Variants in GRIN3B observed in about 807,000 individuals in gnomAD.
GRIN3B encodes glutamate receptor ionotropic, NMDA 3B.
Under a neutral mutation model 66.0 loss-of-function variants are expected in GRIN3B, and 77 were observed. That is an observed-to-expected ratio of 1.17 (90% CI 0.97 to 1.41). GRIN3B has a LOEUF of 1.41. GRIN3B is among the 40% of genes most tolerant of loss of function. The pLI, the probability that GRIN3B is intolerant of heterozygous loss-of-function variation, is 0.00. For synonymous variants in GRIN3B, 823 were observed against 749.7 expected (o/e 1.10, Z -1.60); for missense variants, 1,787 against 1,564.5 (o/e 1.14, Z -2.40).
At chr19:1,002,363 C>CAAAAAAAAAAAAAA (rs71335327) in intron 1 of GRIN3B, among the ~76,000 whole-genome samples, 1 of 74,692 alleles carries the variant, frequency 1.3e-5, no homozygotes, top group Non-Finnish European at 2.4e-5. Context: ...ACTAAAAATA[C>CAAAAAAAAAAAAAA]AAAAAAAAAA....
chr19:1,008,788 G>A lies in GRIN3B; in HGVS notation c.2631+6G>A, dbSNP rs745895363. On this transcript the variant is annotated splice_donor_region_variant and intron_variant, in intron 7 of 8. Transcript: ENST00000234389. The stretch of plus-strand genomic sequence containing the variant: ...ACTGGCTGCACACCAGCCAGGTGGG[G>A]AGCGGGTGGGCGGCGGGCGGCCCCA... 6.3e-7 allele frequency: 1 copy of A among 1,595,686 alleles called. No individual in the cohort carries two copies. Among genetic ancestry groups the A allele is most frequent in the Admixed American group, 1.7e-5 (1 of 57,936 alleles).
chr19:1,008,978 C>T, intron 8 of GRIN3B, 51 bp downstream of exon 8: 1 of 1,552,470 alleles, frequency 6.4e-7, no homozygotes, highest in Non-Finnish European at 8.7e-7. Context: ...AGACCCACCA[C>T]CCCACCAGCT....
chr19:1,009,084 C>T, intron 8 of GRIN3B, 89 bp from the exon 9 acceptor site: 1 of 1,444,636 alleles, frequency 6.9e-7, no homozygotes. Flanking sequence ...TGCCTGTCGG[C>T]CATCCTCTGC....
At position 1,005,652 on chromosome 19, in the gene GRIN3B, G is replaced by C; in HGVS notation, c.2052+99G>C. 1 of 898,972 alleles carries C rather than the reference G, an allele frequency of 1.1e-6. No individual in the cohort carries two copies. The highest frequency in any genetic ancestry group is 1.8e-5 in the South Asian group (1 of 56,728). The allele number at this position is 898,972 out of a possible 1,614,324, so 55.7% of individuals were successfully genotyped here. On this transcript the variant is annotated intron_variant, in intron 3 of 8. Transcript: ENST00000234389. This position sits in a 1 kb window ranked among gnomAD's most constrained non-coding sequence, Gnocchi z 5.2. ...GGGTGGTCAGCTGGACGTGGAGGAC[G>C]TCCACTAGGCCAACTCTGGTCCCAA...
At chr19:1,003,793 A>C in intron 2 of GRIN3B, 71 bp downstream of exon 2, 6 of 1,201,650 alleles carry the variant, frequency 5.0e-6, no homozygotes, top group Non-Finnish European at 6.5e-6. Flanking sequence ...TGGATCACAA[A>C]AGGCAACGTG....
In GRIN3B at chr19:1,000,638, G is replaced by T. The variant is rs1392285783; in HGVS notation, c.201G>T (p.Pro67=). The part of the protein sequence containing the change: ...LARAALAPRL[P]HNLSLELVVA... The stretch of plus-strand genomic sequence containing the variant: ...GGGCCGCCCTGGCGCCGCGGCTGCC[G>T]CACAACCTGAGCTTGGAGCTGGTGG... Residue 67 remains proline, a synonymous_variant, in exon 1 of 9, where the codon CCG becomes CCT. Transcript: ENST00000234389. 3.2e-6 allele frequency: 4 copies of T among 1,244,206 alleles called. No individual in the cohort carries two copies. The African/African-American group carries it at 6.4e-5, about 20-fold the overall frequency. The allele number at this position is 1,244,206 out of a possible 1,614,324, so 77.1% of individuals were successfully genotyped here. A position where few individuals can be genotyped will look rare whatever the true frequency, so the allele number is the denominator to read the frequency against.
rs1389165057 is a variant in GRIN3B at position 1,009,425 on chromosome 19, G to A, written c.2955G>A (p.Glu985=). The A allele has an allele frequency of 2.1e-6, 3 of 1,452,424 alleles. No homozygotes were observed. Among genetic ancestry groups the A allele is most frequent in the Non-Finnish European group, 1.8e-6 (2 of 1,108,926 alleles). 90.0% of individuals were successfully genotyped at this position (1,452,424 alleles called of 1,614,324 possible). Residue 985 remains glutamate, a synonymous_variant, in exon 9 of 9, where the codon GAG becomes GAA. Coordinates refer to ENST00000234389, the MANE Select transcript of GRIN3B (RefSeq NM_138690.3). ...CCCCCCAGCCCGGGGAGCTGCAGGA[G>A]CTGGAGCGCCGCATCGAAGTCGCGC... ...TGAPQPGELQ[E]LERRIEVARE... is the part of the protein sequence containing the mutation.
At position 1,009,435 on chromosome 19, in the gene GRIN3B, C is replaced by T. The variant is rs2038818576; in HGVS notation, c.2965C>T (p.Arg989Cys). The change falls in exon 9 of 9, where the codon CGC becomes TGC. Residue 989 changes from arginine (R) to cysteine (C), a missense_variant. Transcript: ENST00000234389. The part of the protein sequence containing the change: ...QPGELQELER[R>C]IEVARERLRQ... ...CGGGGAGCTGCAGGAGCTGGAGCGC[C>T]GCATCGAAGTCGCGCGTGAGCGGCT... 14 of 1,459,054 alleles carry T rather than the reference C, an allele frequency of 9.6e-6. No homozygotes were observed. Among genetic ancestry groups the T allele is most frequent in the Admixed American group, 2.5e-5 (1 of 39,536 alleles). The allele number at this position is 1,459,054 out of a possible 1,614,324, so 90.4% of individuals were successfully genotyped here. A position where few individuals can be genotyped will look rare whatever the true frequency, so the allele number is the denominator to read the frequency against.
At position 1,009,188 on chromosome 19, in the gene GRIN3B, G is replaced by A; in HGVS notation, c.2718G>A (p.Glu906=). Residue 906 remains glutamate, a synonymous_variant, in exon 9 of 9, where the codon GAG becomes GAA. Transcript: ENST00000234389. ...CCGTCCCCAGCGGCCCCGAGGTGGA[G>A]CAGCAGCAGCAGCAGCAGGACCAGC... The part of the protein sequence containing the change: ...AEAEPSGPEV[E]QQQQQQDQPT... 8.7e-7 allele frequency: 1 copy of A among 1,151,684 alleles called. No homozygotes were observed. The highest frequency in any genetic ancestry group is 1.1e-6 in the Non-Finnish European group (1 of 896,564). The allele number at this position is 1,151,684 out of a possible 1,614,324, so 71.3% of individuals were successfully genotyped here.
At chr19:1,002,516 CA>C (rs2038694597) in intron 1 of GRIN3B, 1 of 149,718 alleles carries the variant, frequency 6.7e-6, no homozygotes, top group Admixed American at 6.6e-5. Context: ...GCACTGGGCA[CA>C]AGGGGGCCCC....
In GRIN3B at chr19:1,007,617, C is replaced by A. The variant is rs1317841752; in HGVS notation, c.2053-11C>A. The A allele has an allele frequency of 6.0e-6, 9 of 1,488,334 alleles. No homozygotes were observed. Among genetic ancestry groups the A allele is most frequent in the Admixed American group, 2.3e-5 (1 of 43,344 alleles). 92.2% of individuals were successfully genotyped at this position (1,488,334 alleles called of 1,614,324 possible). A position where few individuals can be genotyped will look rare whatever the true frequency, so the allele number is the denominator to read the frequency against. On this transcript the variant is annotated splice_polypyrimidine_tract_variant and intron_variant, in intron 3 of 8. Coordinates refer to ENST00000234389, the MANE Select transcript of GRIN3B (RefSeq NM_138690.3). This position sits in a 1 kb window ranked among gnomAD's most constrained non-coding sequence, Gnocchi z 4.4. ...GGGCAGGCAGAGGCGCTGACGGGGT[C>A]CCCCGCGCAGCTGCACCACCCGGCG... is the stretch of plus-strand genomic sequence containing the variant.
Position 1,000,668 on chromosome 19 carries a change from C to A in GRIN3B, c.231C>A (p.Ala77=). Reference sequence around the variant, plus strand: ...ACCTGAGCTTGGAGCTGGTGGTCGCCGCGCCCCCCGCCCGCGACCCCGCCT... The same window carrying A: ...ACCTGAGCTTGGAGCTGGTGGTCGCAGCGCCCCCCGCCCGCGACCCCGCCT... ...PHNLSLELVV[A]APPARDPASL... is the part of the protein sequence containing the mutation. The change falls in exon 1 of 9, where the codon GCC becomes GCA. Residue 77 remains alanine, a synonymous_variant. Coordinates refer to ENST00000234389, the MANE Select transcript of GRIN3B (RefSeq NM_138690.3). The A allele has an allele frequency of 7.5e-7, 1 of 1,329,370 alleles. No individual in the cohort carries two copies. The highest frequency in any genetic ancestry group is 9.6e-7 in the Non-Finnish European group (1 of 1,037,420). 82.3% of individuals were successfully genotyped at this position (1,329,370 alleles called of 1,614,324 possible).
chr19:1,008,339 G>T, intron 6 of GRIN3B, 48 bp downstream of exon 6: 1 of 1,221,118 alleles, frequency 8.2e-7, no homozygotes, highest in Non-Finnish European at 1.2e-6. Context: ...TGGGCGTGGG[G>T]GGCCCTGAGC....
chr19:1,008,394 G>A (rs1325979149), intron 6 of GRIN3B, 103 bp downstream of exon 6: 4 of 1,185,402 alleles, frequency 3.4e-6, no homozygotes, highest in East Asian at 2.6e-5. Flanking sequence ...CCAGACGTGC[G>A]TTTGTCTGCT....
Position 1,008,918 on chromosome 19 carries a change from C to T in GRIN3B, c.2693C>T (p.Ala898Val), listed in dbSNP as rs201960720. The T allele has an allele frequency of 1.4e-4, 230 of 1,608,314 alleles. No individual in the cohort carries two copies. The East Asian group carries it at 4.1e-3, about 29-fold the overall frequency. ...PEGSKEETAE[A>V]EPSGPEVEQQ... Reference sequence around the variant, plus strand: ...GGGTCGAAGGAGGAGACGGCAGAGGCGGAGCCCAGGTAAGTGGTGGTCGGG... The same window carrying T: ...GGGTCGAAGGAGGAGACGGCAGAGGTGGAGCCCAGGTAAGTGGTGGTCGGG... The change falls in exon 8 of 9, where the codon GCG (alanine) becomes GTG (valine). Residue 898 changes from alanine (A) to valine (V), a missense_variant. Coordinates refer to ENST00000234389, the MANE Select transcript of GRIN3B (RefSeq NM_138690.3).
rs754197277 is a variant in GRIN3B, at chr19:1,004,728, G to A, written c.1227G>A (p.Gln409=). Residue 409 remains glutamine, a synonymous_variant, in exon 3 of 9, where the codon CAG becomes CAA. Coordinates refer to ENST00000234389, the MANE Select transcript of GRIN3B (RefSeq NM_138690.3). The part of the protein sequence containing the change: ...GGASARPPPP[Q]GAQVWPKLRV... ...CCTCTGCACGGCCCCCGCCCCCACA[G>A]GGTGCCCAGGTCTGGCCCAAGCTGC... 3.1e-6 allele frequency: 5 copies of A among 1,606,968 alleles called. No homozygotes were observed. Among genetic ancestry groups the A allele is most frequent in the Non-Finnish European group, 4.3e-6 (5 of 1,175,906 alleles).
rs1157357551 is a variant in GRIN3B, at chr19:1,005,063, T to C, written c.1562T>C (p.Leu521Pro). 9.3e-6 allele frequency: 15 copies of C among 1,611,422 alleles called. No homozygotes were observed. The highest frequency in any genetic ancestry group is 1.3e-5 in the Non-Finnish European group (15 of 1,179,036). Reference protein sequence around the residue: ...GRWTGLVGDLLAGRAHMAVTS... With the variant: ...GRWTGLVGDLPAGRAHMAVTS... Reference sequence around the variant, plus strand: ...TGGACCGGCCTGGTCGGGGACCTGCTGGCCGGCCGGGCCCACATGGCGGTC... The same window carrying C: ...TGGACCGGCCTGGTCGGGGACCTGCCGGCCGGCCGGGCCCACATGGCGGTC... The change falls in exon 3 of 9, where the codon CTG becomes CCG. Residue 521 changes from leucine to proline, a missense_variant. By Grantham distance (98) the Leu-to-Pro change is moderately conservative. Coordinates refer to ENST00000234389, the MANE Select transcript of GRIN3B (RefSeq NM_138690.3). The surrounding 1 kb of genome is among the most constrained non-coding windows in gnomAD (Gnocchi z 5.2).
Position 1,009,457 on chromosome 19 carries a change from G to C in GRIN3B, c.2987G>C (p.Arg996Pro). 2 of 1,475,144 alleles carry C rather than the reference G, an allele frequency of 1.4e-6. No individual in the cohort carries two copies. The highest frequency in any genetic ancestry group is 1.8e-6 in the Non-Finnish European group (2 of 1,119,608). 91.4% of individuals were successfully genotyped at this position (1,475,144 alleles called of 1,614,324 possible). The change falls in exon 9 of 9, where the codon CGG becomes CCG. Residue 996 changes from arginine (R) to proline (P), a missense_variant. Coordinates refer to ENST00000234389, the MANE Select transcript of GRIN3B (RefSeq NM_138690.3). ...CGCCGCATCGAAGTCGCGCGTGAGCGGCTCCGCCAGGCCCTGGTGCGGCGC... is the reference window on the plus strand; with the variant it reads ...CGCCGCATCGAAGTCGCGCGTGAGCCGCTCCGCCAGGCCCTGGTGCGGCGC... ...LERRIEVARE[R>P]LRQALVRRGQ...
intron 2 of GRIN3B, 59 bp downstream of exon 2, chr19:1,003,781 C>T (rs1254538240): frequency 1.1e-5 from 14 of 1,268,066 alleles, no homozygotes; most frequent in South Asian, 3.6e-5. Flanking sequence ...CTGCACTGCT[C>T]ATGGATCACA....
Sources: gnomAD v4.1 joint callset for allele counts (sites outside exome capture counted in the v4.1 genomes callset) on GRCh38, gnomAD v4.1.1 for gene constraint, Gnocchi (gnomAD v3.1) non-coding constraint, MANE v1.5 for transcripts, NCBI Gene and HGNC (gene_info 2026-07-23, HGNC 2026-07-21) for gene names.